SHISA9: variants seen among roughly 807,000 people sequenced by gnomAD.
The protein encoded by SHISA9 is protein shisa-9.
SHISA9 carries 13 observed loss-of-function variants against 38.0 expected under a neutral mutation model. The ratio of observed to expected loss-of-function variants is 0.34; its 90% confidence interval spans 0.22 to 0.54. The LOEUF is 0.54. Among genes scored for constraint, SHISA9 ranks in the 20% least tolerant of loss-of-function variants. SHISA9 has a pLI of 0.91. For missense variants in SHISA9, 538 were observed against 575.8 expected (o/e 0.93, Z 0.67); for synonymous variants, 275 against 242.0 (o/e 1.14, Z -1.27).
At chr16:13,341,660 C>T in the SHISA9 span, among the ~76,000 whole-genome samples, 1 of 152,326 alleles carries the variant, frequency 6.6e-6, no homozygotes, top group South Asian at 2.1e-4. Context: ...TCAGTTCTTA[C>T]AGTGCCTTTG....
the SHISA9 span, among the ~76,000 whole-genome samples, chr16:13,280,708 T>C: frequency 6.6e-6 from 1 of 151,964 alleles, no homozygotes; most frequent in East Asian, 1.9e-4. Context: ...GATATCTACA[T>C]GCAATGAGGT....
chr16:13,534,695 C>G, the SHISA9 span, among the ~76,000 whole-genome samples: 7 of 152,200 alleles, frequency 4.6e-5, no homozygotes, highest in African/African-American at 1.7e-4. Flanking sequence ...CACTCTTCTT[C>G]AGGGGAAACT....
At chr16:13,070,007 T>A (rs1433429637) in intron 2 of SHISA9, among the ~76,000 whole-genome samples, 1 of 152,106 alleles carries the variant, frequency 6.6e-6, no homozygotes, top group Non-Finnish European at 1.5e-5. Flanking sequence ...TGGTGTTTTG[T>A]CGTAGCAGCT....
the SHISA9 span, among the ~76,000 whole-genome samples, chr16:13,535,458 G>T: frequency 6.6e-6 from 1 of 152,088 alleles, no homozygotes; most frequent in African/African-American, 2.4e-5. Context: ...CTAAGCCAGG[G>T]ACCCACAAAC....
At chr16:13,377,456 A>G in the SHISA9 span, among the ~76,000 whole-genome samples, 1 of 152,180 alleles carries the variant, frequency 6.6e-6, no homozygotes, top group Non-Finnish European at 1.5e-5. Context: ...AGCAAAGAGG[A>G]TTGTCCCAAT....
chr16:13,510,559 C>T, the SHISA9 span, among the ~76,000 whole-genome samples: 1 of 152,152 alleles, frequency 6.6e-6, no homozygotes, highest in South Asian at 2.1e-4. Context: ...TCCATCACAA[C>T]CAGTGTTTTC....
At chr16:13,382,798 C>T in the SHISA9 span, among the ~76,000 whole-genome samples, 2 of 152,054 alleles carry the variant, frequency 1.3e-5, no homozygotes, top group East Asian at 1.9e-4. Flanking sequence ...GCAGAAGCTG[C>T]AGTGAGCCGA....
the SHISA9 span, among the ~76,000 whole-genome samples, chr16:13,407,813 A>G: frequency 2.6e-5 from 4 of 152,226 alleles, no homozygotes; most frequent in African/African-American, 9.6e-5. Flanking sequence ...GAGGAAGCAC[A>G]TCTTACTTTC....
intron 2 of SHISA9, among the ~76,000 whole-genome samples, chr16:12,942,030 T>C (rs900023838): frequency 1.3e-5 from 2 of 152,086 alleles, no homozygotes; most frequent in Non-Finnish European, 2.9e-5. Flanking sequence ...CCTGGATTAA[T>C]TTGTTGCTTG....
intron 2 of SHISA9, among the ~76,000 whole-genome samples, chr16:13,080,492 C>CCATTGGTCTAG: frequency 6.6e-6 from 1 of 150,920 alleles, no homozygotes; most frequent in Non-Finnish European, 1.5e-5. Context: ...AGTGTGGATC[C>CCATTGGTCTAG]TGTGTCTGCC....
the SHISA9 span, among the ~76,000 whole-genome samples, chr16:13,373,713 A>G: frequency 6.7e-6 from 1 of 150,314 alleles, no homozygotes; most frequent in Admixed American, 6.7e-5. Flanking sequence ...AGTGACCGAG[A>G]TTGCACCACT....
intron 2 of SHISA9, among the ~76,000 whole-genome samples, chr16:13,027,979 C>G (rs1037734516): frequency 1.4e-5 from 2 of 143,142 alleles, no homozygotes; most frequent in Non-Finnish European, 3.1e-5. Context: ...AGAAGCCAAG[C>G]ACTAAAAAGT....
At chr16:13,487,383 G>A in the SHISA9 span, among the ~76,000 whole-genome samples, 2 of 152,162 alleles carry the variant, frequency 1.3e-5, no homozygotes, top group African/African-American at 4.8e-5. Context: ...TGCTTCTGGC[G>A]AGGCCTCAGG....
the SHISA9 span, among the ~76,000 whole-genome samples, chr16:13,454,028 G>T: frequency 6.6e-6 from 1 of 152,078 alleles, no homozygotes; most frequent in Non-Finnish European, 1.5e-5. Flanking sequence ...CTCCTTCTTC[G>T]AAGAGTACCA....
intron 2 of SHISA9, among the ~76,000 whole-genome samples, chr16:12,962,324 G>A (rs566313956): frequency 6.6e-6 from 1 of 152,282 alleles, no homozygotes; most frequent in South Asian, 2.1e-4. Context: ...TGTCATTCTG[G>A]GTTTTCTGAG....
intron 2 of SHISA9, among the ~76,000 whole-genome samples, chr16:13,079,956 C>A (rs1237955943): frequency 6.6e-6 from 1 of 152,122 alleles, no homozygotes; most frequent in Non-Finnish European, 1.5e-5. Flanking sequence ...CAGAAACCAA[C>A]CTTTCCTAGC....
chr16:12,951,952 G>A (rs148902258), intron 2 of SHISA9, among the ~76,000 whole-genome samples: 4 of 152,334 alleles, frequency 2.6e-5, no homozygotes, highest in East Asian at 3.9e-4. Context: ...AGGAACATAT[G>A]CATGTCAATA....
At chr16:12,965,974 G>A (rs547655985) in intron 2 of SHISA9, among the ~76,000 whole-genome samples, 4 of 152,312 alleles carry the variant, frequency 2.6e-5, no homozygotes, top group Non-Finnish European at 4.4e-5. Context: ...TGAAACTGAG[G>A]TTTCCTGACC....
At chr16:13,508,825 A>G in the SHISA9 span, among the ~76,000 whole-genome samples, 29 of 152,190 alleles carry the variant, frequency 1.9e-4, no homozygotes, top group African/African-American at 6.3e-4. Context: ...ATTACTCCAT[A>G]TCTTGAAAAA....
Sources: allele counts gnomAD v4.1 joint callset (sites outside exome capture counted in the v4.1 genomes callset), GRCh38; gene constraint gnomAD v4.1.1; transcripts MANE v1.5; gene names NCBI Gene and HGNC (gene_info 2026-07-23, HGNC 2026-07-21).